GRK5: variants seen among roughly 807,000 people sequenced by gnomAD.
GRK5 encodes the protein G protein-coupled receptor kinase 5, also known as g protein-coupled receptor kinase GRK5.
GRK5 carries 40 observed loss-of-function variants against 78.4 expected under a neutral mutation model. The observed-to-expected ratio is 0.51, with a 90% CI of 0.40 to 0.66. The LOEUF is 0.66. GRK5 is among the 30% of genes least tolerant of loss of function. The probability of loss-of-function intolerance (pLI) is 0.00; values close to 1 mark genes in which losing one functional copy is unlikely to be tolerated. For synonymous variants in GRK5, 289 were observed against 296.8 expected, an observed-to-expected ratio of 0.97 and a Z score of 0.27; for missense variants, 598 against 759.9, an observed-to-expected ratio of 0.79 and a Z score of 2.50.
chr10:119,444,882 T>C (rs905320406), intron 12 of GRK5, among the ~76,000 whole-genome samples: 5 of 151,822 alleles, frequency 3.3e-5, no homozygotes, highest in African/African-American at 7.3e-5. Context: ...GTCCTGGGAG[T>C]TGATTAAAAG....
At chr10:119,426,865 T>TTGCCATCAACAGCATCAC (rs1476734531) in intron 6 of GRK5, among the ~76,000 whole-genome samples, 12 of 50,118 alleles carry the variant, frequency 2.4e-4, no homozygotes, top group African/African-American at 9.8e-4. Context: ...ATCAGTATCA[T>TTGCCATCAACAGCATCAC]TGCCATCAAC....
In GRK5 at chr10:119,271,198, C is replaced by T. The variant is rs893822428; in HGVS notation, c.53-55318C>T. ...TCACCGGAAACCTGCCCGGGCCACA[C>T]GTGTACAGCCACATCCTCCACGCCC... is the stretch of plus-strand genomic sequence containing the variant. On this transcript the variant is annotated intron_variant, in intron 1 of 15. Coordinates refer to ENST00000392870, the MANE Select transcript of GRK5 (RefSeq NM_005308.3). The surrounding 1 kb of genome is among the most constrained non-coding windows in gnomAD (Gnocchi z 4.1). Among the ~76,000 whole-genome samples, 7 of 152,206 alleles carry T rather than the reference C, an allele frequency of 4.6e-5. No individual in the cohort carries two copies. Among genetic ancestry groups the T allele is most frequent in the Non-Finnish European group, 7.3e-5 (5 of 68,044 alleles).
chr10:119,289,692 T>G (rs575813406), intron 1 of GRK5, among the ~76,000 whole-genome samples: 1 of 152,318 alleles, frequency 6.6e-6, no homozygotes, highest in East Asian at 1.9e-4. Flanking sequence ...TTCCCGAGTC[T>G]CTCCTGGCCC....
chr10:119,228,041 A>C (rs1011854373), intron 1 of GRK5, among the ~76,000 whole-genome samples: 1 of 152,212 alleles, frequency 6.6e-6, no homozygotes, highest in African/African-American at 2.4e-5. Context: ...GTTAATTGGA[A>C]ACAGTTCCAA....
At chr10:119,332,138 ACT>A (rs1427879282) in intron 2 of GRK5, among the ~76,000 whole-genome samples, 2 of 140,364 alleles carry the variant, frequency 1.4e-5, no homozygotes, top group African/African-American at 5.4e-5. Context: ...TCAGAGTTTG[ACT>A]CTGTCGCTCA....
intron 1 of GRK5, among the ~76,000 whole-genome samples, chr10:119,223,294 C>T (rs1269133428): frequency 1.3e-5 from 2 of 152,134 alleles, no homozygotes; most frequent in Admixed American, 1.3e-4. Context: ...ACTTGATTAC[C>T]TCCATAAAGA....
At chr10:119,326,709 C>T in intron 2 of GRK5, 98 bp downstream of exon 2, 1 of 889,628 alleles carries the variant, frequency 1.1e-6, no homozygotes, top group Non-Finnish European at 1.8e-6. Flanking sequence ...GCCAAGCTGT[C>T]TGTGCAGTGA....
intron 2 of GRK5, among the ~76,000 whole-genome samples, chr10:119,365,808 G>A (rs914199326): frequency 2.0e-5 from 3 of 152,236 alleles, no homozygotes; most frequent in African/African-American, 7.2e-5. Flanking sequence ...TAAAGGATGA[G>A]GATGTCAGTG....
chr10:119,208,278 T>C (rs1249547224), intron 1 of GRK5, among the ~76,000 whole-genome samples: 1 of 152,174 alleles, frequency 6.6e-6, no homozygotes, highest in African/African-American at 2.4e-5. Flanking sequence ...AAAGCATTCA[T>C]TCGGGGAGCG....
intron 6 of GRK5, among the ~76,000 whole-genome samples, chr10:119,426,271 G>A (rs1321033213): frequency 6.6e-6 from 1 of 152,234 alleles, no homozygotes; most frequent in Non-Finnish European, 1.5e-5. Context: ...GCCATGGATG[G>A]GTGGTTTCTC....
chr10:119,228,087 G>A (rs1848768846), intron 1 of GRK5, among the ~76,000 whole-genome samples: 1 of 152,100 alleles, frequency 6.6e-6, no homozygotes, highest in Non-Finnish European at 1.5e-5. Flanking sequence ...ATAAATCCTG[G>A]CATATTCAAA....
intron 4 of GRK5, among the ~76,000 whole-genome samples, chr10:119,416,430 T>A (rs1004647214): frequency 3.3e-5 from 5 of 152,214 alleles, no homozygotes; most frequent in Admixed American, 3.3e-4. Flanking sequence ...CCCATGATCT[T>A]CACTAGTCCC....
Position 119,453,177 on chromosome 10 carries a change from C to G in GRK5, c.1575C>G (p.Asn525Lys). The change falls in exon 15 of 16, where the codon AAC becomes AAG. Residue 525 changes from asparagine to lysine, a missense_variant. Transcript: ENST00000392870. ...MIETECFKEL[N>K]VFGPNGTLPP... ...AAACAGAATGCTTTAAGGAGCTGAACGTGTTTGGACCTAATGGTACCCTCC... is the reference window on the plus strand; with the variant it reads ...AAACAGAATGCTTTAAGGAGCTGAAGGTGTTTGGACCTAATGGTACCCTCC... 6.4e-7 allele frequency: 1 copy of G among 1,564,880 alleles called. No homozygotes were observed. The highest frequency in any genetic ancestry group is 1.7e-5 in the Admixed American group (1 of 59,944).
At position 119,436,927 on chromosome 10, in the gene GRK5, TC is replaced by T. The variant is rs1589809858; in HGVS notation, c.929+87del. On this transcript the variant is annotated intron_variant, in intron 9 of 15. Coordinates refer to ENST00000392870, the MANE Select transcript of GRK5 (RefSeq NM_005308.3). Reference sequence around the variant, plus strand: ...CACACCCTCGGGCAGGTGGTTGCCATCGCTCTGGGAATCAGCCCTGGTCAGC... The same window carrying T: ...CACACCCTCGGGCAGGTGGTTGCCATGCTCTGGGAATCAGCCCTGGTCAGC... The T allele has an allele frequency of 7.9e-6, 10 of 1,270,116 alleles. No homozygotes were observed. The East Asian group carries it at 2.2e-4, about 28-fold the overall frequency. 78.7% of individuals were successfully genotyped at this position (1,270,116 alleles called of 1,614,324 possible). A position where few individuals can be genotyped will look rare whatever the true frequency, so the allele number is the denominator to read the frequency against.
chr10:119,326,730 A>G, intron 2 of GRK5, 119 bp downstream of exon 2: 1 of 738,324 alleles, frequency 1.4e-6, no homozygotes, highest in Non-Finnish European at 2.4e-6. Flanking sequence ...GGCAAATGCC[A>G]ATCAGTGGAC....
chr10:119,212,951 C>T (rs2133697487), intron 1 of GRK5: 1 of 152,272 alleles, frequency 6.6e-6, no homozygotes, highest in South Asian at 2.1e-4. Flanking sequence ...CGAACTATGC[C>T]TATTGGGTAT....
At chr10:119,358,250 G>A (rs1037517460) in intron 2 of GRK5, among the ~76,000 whole-genome samples, 2 of 152,270 alleles carry the variant, frequency 1.3e-5, no homozygotes, top group Admixed American at 1.3e-4. Flanking sequence ...TCCTAGCTCG[G>A]ATGTTGTCTG....
intron 1 of GRK5, among the ~76,000 whole-genome samples, chr10:119,311,222 T>C (rs559663697): frequency 1.3e-5 from 2 of 152,140 alleles, no homozygotes; most frequent in Non-Finnish European, 2.9e-5. Flanking sequence ...TCATCAGAGA[T>C]TGATGGAGCT....
intron 2 of GRK5, among the ~76,000 whole-genome samples, chr10:119,363,044 C>G (rs1410361791): frequency 1.3e-5 from 2 of 152,206 alleles, no homozygotes; most frequent in Admixed American, 6.5e-5. Context: ...CTTTGGGAGG[C>G]TGAGGCGGGT....
Sources: gnomAD v4.1 joint callset for allele counts (sites outside exome capture counted in the v4.1 genomes callset) on GRCh38, gnomAD v4.1.1 for gene constraint, Gnocchi (gnomAD v3.1) non-coding constraint, MANE v1.5 for transcripts, NCBI Gene and HGNC (gene_info 2026-07-23, HGNC 2026-07-21) for gene names.